CSMD1: variants seen among roughly 807,000 people sequenced by gnomAD.
CSMD1 encodes the protein CUB and sushi domain-containing protein 1.
Under a neutral mutation model 417.5 loss-of-function variants are expected in CSMD1, and 213 were observed. That is an observed-to-expected ratio of 0.51 (90% CI 0.46 to 0.57). The LOEUF is 0.57. Ranked by LOEUF, CSMD1 falls within the 20% of genes least tolerant of loss-of-function variation. CSMD1 has a pLI of 0.00. For synonymous variants in CSMD1, 2,862 were observed against 1,736.8 expected (o/e 1.65, Z -16.11); for missense variants, 6,923 against 4,529.7 (o/e 1.53, Z -15.17).
intron 2 of CSMD1, among the ~76,000 whole-genome samples, chr8:4,546,530 G>C (rs1797644105): frequency 6.6e-6 from 1 of 152,088 alleles, no homozygotes; most frequent in Admixed American, 6.6e-5. Flanking sequence ...CCAGAGCTGG[G>C]ACCTCCATCT....
rs1041932817 is a variant in CSMD1, at chr8:4,460,628, T to A, written c.303-40563A>T. Among the ~76,000 whole-genome samples the A allele has an allele frequency of 2.6e-5, 4 of 152,150 alleles. No homozygotes were observed. In the East Asian group the frequency reaches 7.7e-4, roughly 29 times the overall value. On this transcript the variant is annotated intron_variant, in intron 2 of 69. Coordinates refer to ENST00000635120, the MANE Select transcript of CSMD1 (RefSeq NM_033225.6). ...AAATGGGGGAAAAAAAGGTAGAGAA[T>A]ATTACTATGGACCTTACAGATATTT...
At chr8:4,665,999 A>T (rs1467397174) in intron 1 of CSMD1, among the ~76,000 whole-genome samples, 2 of 152,184 alleles carry the variant, frequency 1.3e-5, no homozygotes, top group Non-Finnish European at 2.9e-5. Flanking sequence ...TGAACTCTGC[A>T]TCGGCAGCAG....
intron 2 of CSMD1, among the ~76,000 whole-genome samples, chr8:4,570,854 T>C (rs1270372874): frequency 6.6e-6 from 1 of 152,240 alleles, no homozygotes; most frequent in Non-Finnish European, 1.5e-5. Context: ...TTCGGCTTCT[T>C]CCTGGTTTAG....
chr8:3,340,152 T>C (rs1181607749), intron 23 of CSMD1, among the ~76,000 whole-genome samples: 1 of 152,186 alleles, frequency 6.6e-6, no homozygotes, highest in African/African-American at 2.4e-5. Context: ...TCAGCAATTC[T>C]GGTATTCAGT....
At chr8:4,499,374 C>T (rs1382919046) in intron 2 of CSMD1, among the ~76,000 whole-genome samples, 2 of 152,130 alleles carry the variant, frequency 1.3e-5, no homozygotes. Flanking sequence ...TACAAGCAGG[C>T]AAGTCTGCAG....
intron 7 of CSMD1, among the ~76,000 whole-genome samples, chr8:3,672,574 A>C (rs1004376113): frequency 1.3e-5 from 2 of 152,230 alleles, no homozygotes. Context: ...AAGCTCATGG[A>C]TTCCCAATAA....
chr8:4,167,732 G>A (rs1584946499), intron 3 of CSMD1, among the ~76,000 whole-genome samples: 2 of 152,326 alleles, frequency 1.3e-5, no homozygotes, highest in South Asian at 2.1e-4. Context: ...GTTCACACCT[G>A]TAATTCCAGC....
At chr8:4,195,509 A>G (rs1465832128) in intron 3 of CSMD1, among the ~76,000 whole-genome samples, 3 of 152,154 alleles carry the variant, frequency 2.0e-5, no homozygotes, top group African/African-American at 4.8e-5. Context: ...ACATCTCTGT[A>G]TGATCCCCTG....
At chr8:3,381,305 G>C (rs937167322) in intron 18 of CSMD1, among the ~76,000 whole-genome samples, 1 of 151,740 alleles carries the variant, frequency 6.6e-6, no homozygotes, top group Admixed American at 6.6e-5. Flanking sequence ...CACACCCTAT[G>C]TTAAAATTCT....
chr8:3,276,715 C>T (rs1204103378), intron 26 of CSMD1, among the ~76,000 whole-genome samples: 1 of 152,060 alleles, frequency 6.6e-6, no homozygotes, highest in Non-Finnish European at 1.5e-5. Context: ...TTGAATTAAG[C>T]TCAGCTCAAT....
chr8:3,273,013 C>T (rs77649726), intron 26 of CSMD1, among the ~76,000 whole-genome samples: 47,652 of 149,396 alleles, frequency 0.32, 7,804 homozygotes, highest in South Asian at 0.36. Context: ...TTGTGCCAGT[C>T]TTCAAAGGGA....
chr8:3,763,126 T>A (rs993922221), intron 5 of CSMD1, among the ~76,000 whole-genome samples: 4 of 152,220 alleles, frequency 2.6e-5, no homozygotes, highest in Non-Finnish European at 5.9e-5. Context: ...AGGCACTCAA[T>A]GCACATTGGC....
At chr8:4,803,436 G>A (rs1798419283) in intron 1 of CSMD1, among the ~76,000 whole-genome samples, 1 of 152,166 alleles carries the variant, frequency 6.6e-6, no homozygotes, top group African/African-American at 2.4e-5. Flanking sequence ...CTCTTTTATA[G>A]GAAGGGGTTT....
chr8:4,051,736 G>A (rs1009269964), intron 3 of CSMD1, among the ~76,000 whole-genome samples: 4 of 152,148 alleles, frequency 2.6e-5, no homozygotes, highest in African/African-American at 7.2e-5. Flanking sequence ...ATTAAAGAAA[G>A]GCAAAGAAAC....
chr8:4,725,896 G>A (rs561194213), intron 1 of CSMD1, among the ~76,000 whole-genome samples: 7 of 152,226 alleles, frequency 4.6e-5, no homozygotes, highest in Non-Finnish European at 8.8e-5. Context: ...GTGGGACTGG[G>A]TTCACATTCC....
chr8:4,041,219 G>A (rs11136694), intron 3 of CSMD1, among the ~76,000 whole-genome samples: 51,013 of 151,394 alleles, frequency 0.34, 8,831 homozygotes, highest in African/African-American at 0.41. Flanking sequence ...GGGTTTCACC[G>A]TGTTAGCCAG....
intron 4 of CSMD1, among the ~76,000 whole-genome samples, chr8:4,031,330 A>G (rs1797333071): frequency 6.6e-6 from 1 of 152,206 alleles, no homozygotes; most frequent in Non-Finnish European, 1.5e-5. Context: ...AAGCCTCACA[A>G]TCATAGCAGA....
At chr8:3,306,372 C>A (rs1434363209) in intron 25 of CSMD1, among the ~76,000 whole-genome samples, 1 of 152,136 alleles carries the variant, frequency 6.6e-6, no homozygotes, top group Admixed American at 6.5e-5. Flanking sequence ...TGGAGTTTTG[C>A]CATGCTGGCC....
chr8:3,130,608 A>G (rs924547521), intron 41 of CSMD1, among the ~76,000 whole-genome samples: 3 of 151,902 alleles, frequency 2.0e-5, no homozygotes, highest in African/African-American at 7.3e-5. Context: ...TTCCGCTCCC[A>G]GTGCACCAGC....
Sources: allele counts gnomAD v4.1 joint callset (sites outside exome capture counted in the v4.1 genomes callset), GRCh38; gene constraint gnomAD v4.1.1; transcripts MANE v1.5; gene names NCBI Gene and HGNC (gene_info 2026-07-23, HGNC 2026-07-21).